The following UNC5D variants were observed in gnomAD, a reference collection of about 807,000 sequenced individuals.
UNC5D encodes unc-5 netrin receptor D.
In UNC5D, 39 loss-of-function variants were observed where a neutral mutation model predicts 105.4. That is an observed-to-expected ratio of 0.37 (90% CI 0.29 to 0.48). UNC5D has a LOEUF of 0.48. UNC5D is among the 20% of genes least tolerant of loss of function. The probability of loss-of-function intolerance (pLI) is 0.98; values close to 1 mark genes in which losing one functional copy is unlikely to be tolerated. For synonymous variants in UNC5D, 452 were observed against 450.4 expected, an observed-to-expected ratio of 1.00 and a Z score of -0.04; for missense variants, 991 against 1,202.4, an observed-to-expected ratio of 0.82 and a Z score of 2.60.
At chr8:35,680,390 A>T (rs1314242374) in intron 4 of UNC5D, among the ~76,000 whole-genome samples, 1 of 152,076 alleles carries the variant, frequency 6.6e-6, no homozygotes, top group East Asian at 1.9e-4. Flanking sequence ...ATATTTATTC[A>T]ATTGTTTAAT....
chr8:35,317,655 T>C (rs1447356934), intron 1 of UNC5D, among the ~76,000 whole-genome samples: 1 of 152,072 alleles, frequency 6.6e-6, no homozygotes, highest in Non-Finnish European at 1.5e-5. Context: ...CTTGCCTCCA[T>C]GGACCTGGGA....
At position 35,494,004 on chromosome 8, in the gene UNC5D, A is replaced by G. The variant is rs1391319074; in HGVS notation, c.104-55288A>G. 3.9e-5 allele frequency among the ~76,000 whole-genome samples: 6 copies of G among 152,292 alleles called. No individual in the cohort carries two copies. In the South Asian group the frequency reaches 6.2e-4, roughly 16 times the overall value. On this transcript the variant is annotated intron_variant, in intron 1 of 16. Coordinates refer to ENST00000404895, the MANE Select transcript of UNC5D (RefSeq NM_080872.4). Reference sequence around the variant, plus strand: ...GATACACCGGGAGAGGACTTAAGCAACTTTCCACCAGTAGATAGTTCTATT... The same window carrying G: ...GATACACCGGGAGAGGACTTAAGCAGCTTTCCACCAGTAGATAGTTCTATT...
intron 1 of UNC5D, chr8:35,544,663 T>G (rs2130653357): frequency 8.0e-7 from 1 of 1,250,296 alleles, no homozygotes; most frequent in East Asian, 2.6e-5. Flanking sequence ...AGTGCAATAG[T>G]GTGATCACGG....
chr8:35,587,293 C>T (rs1219828374), intron 3 of UNC5D, among the ~76,000 whole-genome samples: 1 of 152,140 alleles, frequency 6.6e-6, no homozygotes, highest in Non-Finnish European at 1.5e-5. Context: ...AACACACACA[C>T]ACACACACAC....
At chr8:35,676,052 T>C (rs1335294960) in intron 4 of UNC5D, among the ~76,000 whole-genome samples, 1 of 152,072 alleles carries the variant, frequency 6.6e-6, no homozygotes, top group East Asian at 1.9e-4. Flanking sequence ...GGAGGCTCCC[T>C]CTCCAATCTG....
intron 16 of UNC5D, among the ~76,000 whole-genome samples, chr8:35,785,613 G>C (rs549330394): frequency 6.6e-6 from 1 of 151,928 alleles, no homozygotes; most frequent in Non-Finnish European, 1.5e-5. Flanking sequence ...TGCCCACCTC[G>C]GCCTCCCAAA....
At chr8:35,483,893 C>T (rs1243485648) in intron 1 of UNC5D, among the ~76,000 whole-genome samples, 2 of 152,100 alleles carry the variant, frequency 1.3e-5, no homozygotes, top group Non-Finnish European at 2.9e-5. Flanking sequence ...GCTTTTCTGA[C>T]ATTAGAAGCT....
chr8:35,298,749 T>C (rs1183999877), intron 1 of UNC5D, among the ~76,000 whole-genome samples: 1 of 152,116 alleles, frequency 6.6e-6, no homozygotes, highest in Non-Finnish European at 1.5e-5. Context: ...CCACATAATG[T>C]GAAGAGGAAA....
At chr8:35,303,294 G>A (rs998814313) in intron 1 of UNC5D, among the ~76,000 whole-genome samples, 2 of 151,926 alleles carry the variant, frequency 1.3e-5, no homozygotes, top group African/African-American at 2.4e-5. Flanking sequence ...ATGCCTAAAA[G>A]TTTTTCCAAT....
chr8:35,395,699 G>A (rs1804054049), intron 1 of UNC5D, among the ~76,000 whole-genome samples: 1 of 152,152 alleles, frequency 6.6e-6, no homozygotes, highest in South Asian at 2.1e-4. Flanking sequence ...ATAGACAACA[G>A]CTAACACTAG....
chr8:35,768,625 A>G (rs1801876668), intron 15 of UNC5D, among the ~76,000 whole-genome samples: 1 of 152,220 alleles, frequency 6.6e-6, no homozygotes. Flanking sequence ...TTAGTGATCA[A>G]CTTGTGCTAT....
At chr8:35,429,344 T>C (rs943263206) in intron 1 of UNC5D, among the ~76,000 whole-genome samples, 1 of 151,966 alleles carries the variant, frequency 6.6e-6, no homozygotes, top group Non-Finnish European at 1.5e-5. Flanking sequence ...TGAAACCTGT[T>C]TTTTTTTCTT....
chr8:35,672,293 A>G (rs1824863290), intron 4 of UNC5D, among the ~76,000 whole-genome samples: 2 of 152,326 alleles, frequency 1.3e-5, no homozygotes, highest in East Asian at 3.9e-4. Flanking sequence ...ACTTTAAAAC[A>G]TTATTTACAT....
chr8:35,439,905 G>A (rs1468079458), intron 1 of UNC5D, among the ~76,000 whole-genome samples: 5 of 152,000 alleles, frequency 3.3e-5, no homozygotes, highest in Non-Finnish European at 7.4e-5. Flanking sequence ...TCTCAGGATG[G>A]CGTATTTCAC....
At chr8:35,275,418 T>C (rs556070124) in intron 1 of UNC5D, among the ~76,000 whole-genome samples, 1 of 152,246 alleles carries the variant, frequency 6.6e-6, no homozygotes, top group East Asian at 1.9e-4. Flanking sequence ...ATCAGTATCA[T>C]TGTGACAAGT....
At position 35,686,526 on chromosome 8, in the gene UNC5D, C is replaced by T. The variant is rs1483874939; in HGVS notation, c.920-19C>T. On this transcript the variant is annotated intron_variant, in intron 6 of 16. Transcript: ENST00000404895. The stretch of plus-strand genomic sequence containing the variant: ...ACTTGATTCATTCTAACAATGGTTT[C>T]TTTTGTTTCCCTTTGAAGTGGATGG... 2 of 1,543,932 alleles carry T rather than the reference C, an allele frequency of 1.3e-6. No homozygotes were observed. Among genetic ancestry groups the T allele is most frequent in the Non-Finnish European group, 1.7e-6 (2 of 1,152,862 alleles).
intron 1 of UNC5D, among the ~76,000 whole-genome samples, chr8:35,242,303 C>T (rs2128802109): frequency 6.6e-6 from 1 of 152,192 alleles, no homozygotes; most frequent in Admixed American, 6.5e-5. Context: ...GGGGAAATGA[C>T]ATCACAGACA....
chr8:35,438,717 G>A (rs1430352258), intron 1 of UNC5D, among the ~76,000 whole-genome samples: 1 of 152,104 alleles, frequency 6.6e-6, no homozygotes, highest in Admixed American at 6.6e-5. Flanking sequence ...AGGAAGCAAG[G>A]CTCCAAGTAT....
chr8:35,446,712 T>G (rs1370007506), intron 1 of UNC5D, among the ~76,000 whole-genome samples: 1 of 152,082 alleles, frequency 6.6e-6, no homozygotes, highest in African/African-American at 2.4e-5. Flanking sequence ...GAGCATCAGT[T>G]AATTGCCCTT....
Sources: gnomAD v4.1 joint callset for allele counts (sites outside exome capture counted in the v4.1 genomes callset) on GRCh38, gnomAD v4.1.1 for gene constraint, MANE v1.5 for transcripts, NCBI Gene and HGNC (gene_info 2026-07-23, HGNC 2026-07-21) for gene names.